Variants in MDGA2 observed in about 807,000 individuals in gnomAD.
MDGA2 encodes MAM domain-containing glycosylphosphatidylinositol anchor protein 2.
MDGA2 carries 40 observed loss-of-function variants against 117.8 expected under a neutral mutation model. That is an observed-to-expected ratio of 0.34 (90% CI 0.26 to 0.44). MDGA2 has a LOEUF of 0.44. MDGA2 is among the 20% of genes least tolerant of loss of function. The probability of loss-of-function intolerance (pLI) is 1.00; values close to 1 mark genes in which losing one functional copy is unlikely to be tolerated. For missense variants in MDGA2, 1,123 were observed against 1,250.6 expected, an observed-to-expected ratio of 0.90 and a Z score of 1.54; for synonymous variants, 452 against 439.0, an observed-to-expected ratio of 1.03 and a Z score of -0.37.
At chr14:46,903,150 T>G (rs769943272) in intron 10 of MDGA2, among the ~76,000 whole-genome samples, 5 of 148,230 alleles carry the variant, frequency 3.4e-5, no homozygotes, top group African/African-American at 8.0e-5. Flanking sequence ...TGTTGTTTTG[T>G]TTTTTTCTTT....
chr14:47,504,876 T>C, intron 1 of MDGA2, among the ~76,000 whole-genome samples: 1 of 152,130 alleles, frequency 6.6e-6, no homozygotes, highest in East Asian at 1.9e-4. Context: ...ATCAACATGC[T>C]GAAGAGATAA....
At chr14:46,871,899 G>A (rs537227592) in intron 14 of MDGA2, 1 of 397,336 alleles carries the variant, frequency 2.5e-6, no homozygotes, top group Non-Finnish European at 5.2e-6. Context: ...TGTAATCCCA[G>A]CATTTTGAGA....
intron 1 of MDGA2, among the ~76,000 whole-genome samples, chr14:47,424,534 T>A (rs1005013912): frequency 6.6e-6 from 1 of 152,172 alleles, no homozygotes; most frequent in South Asian, 2.1e-4. Flanking sequence ...TCCCTTATAC[T>A]CATTTGTATA....
At chr14:47,282,523 AACACACAC>A (rs59651044) in intron 2 of MDGA2, among the ~76,000 whole-genome samples, 1 of 149,384 alleles carries the variant, frequency 6.7e-6, no homozygotes, top group Non-Finnish European at 1.5e-5. Context: ...ATTAAAAATA[AACACACAC>A]ACACACACAC....
At chr14:47,437,912 C>T (rs547447944) in intron 1 of MDGA2, among the ~76,000 whole-genome samples, 1 of 152,256 alleles carries the variant, frequency 6.6e-6, no homozygotes, top group South Asian at 2.1e-4. Context: ...CAACATTTTT[C>T]TGAGCACTAC....
intron 1 of MDGA2, among the ~76,000 whole-genome samples, chr14:47,451,442 C>T (rs1007845139): frequency 6.6e-6 from 1 of 152,020 alleles, no homozygotes; most frequent in Non-Finnish European, 1.5e-5. Context: ...CTAGATTTCC[C>T]TGTCTTTGGA....
chr14:47,615,229 AG>A (rs1896927703), intron 1 of MDGA2, among the ~76,000 whole-genome samples: 2 of 152,216 alleles, frequency 1.3e-5, no homozygotes, highest in East Asian at 1.9e-4. Flanking sequence ...TAATAAAAAA[AG>A]ATTCAGAAAA....
At chr14:46,974,509 G>C (rs1249338566) in intron 8 of MDGA2, among the ~76,000 whole-genome samples, 1 of 152,106 alleles carries the variant, frequency 6.6e-6, no homozygotes, top group East Asian at 1.9e-4. Context: ...AAACAGCGTG[G>C]TACTGGCATA....
chr14:47,306,842 G>GGAGAGAGGGAGAGAGAGA (rs1889463802), intron 1 of MDGA2, among the ~76,000 whole-genome samples: 1 of 146,598 alleles, frequency 6.8e-6, no homozygotes, highest in Non-Finnish European at 1.5e-5. Flanking sequence ...AGAGAAAGAG[G>GGAGAGAGGGAGAGAGAGA]GAGAGAGAGA....
At chr14:47,637,716 T>C (rs775869488) in intron 1 of MDGA2, among the ~76,000 whole-genome samples, 3 of 152,240 alleles carry the variant, frequency 2.0e-5, no homozygotes, top group Non-Finnish European at 2.9e-5. Context: ...TAGAAAATGT[T>C]ATCCAAATTG....
At chr14:47,310,168 C>T (rs973353422) in intron 1 of MDGA2, among the ~76,000 whole-genome samples, 2 of 152,036 alleles carry the variant, frequency 1.3e-5, no homozygotes, top group Non-Finnish European at 1.5e-5. Flanking sequence ...TTTGTTTTCA[C>T]CTAGAAGAGT....
At chr14:46,895,215 G>T (rs974859382) in intron 10 of MDGA2, among the ~76,000 whole-genome samples, 2 of 152,214 alleles carry the variant, frequency 1.3e-5, no homozygotes, top group Non-Finnish European at 1.5e-5. Flanking sequence ...TTGAATCAGG[G>T]GGGCAGTTAC....
intron 1 of MDGA2, among the ~76,000 whole-genome samples, chr14:47,517,628 T>C (rs1406469001): frequency 1.3e-5 from 2 of 152,126 alleles, no homozygotes; most frequent in Admixed American, 1.3e-4. Context: ...TCTTAGATTC[T>C]CCCATGCAAT....
chr14:47,659,253 C>G (rs1332115191), intron 1 of MDGA2, among the ~76,000 whole-genome samples: 1 of 152,206 alleles, frequency 6.6e-6, no homozygotes, highest in East Asian at 1.9e-4. Flanking sequence ...GGTTGAAATT[C>G]TGCTTTACTA....
intron 6 of MDGA2, 27 bp from the exon 7 acceptor site, chr14:47,061,605 T>C: frequency 1.3e-6 from 2 of 1,549,954 alleles, no homozygotes; most frequent in Non-Finnish European, 1.8e-6. Flanking sequence ...CCATAAGGAG[T>C]TAGTGTTACT....
intron 1 of MDGA2, among the ~76,000 whole-genome samples, chr14:47,631,292 T>C (rs1206621228): frequency 2.0e-5 from 3 of 152,226 alleles, no homozygotes; most frequent in Non-Finnish European, 2.9e-5. Context: ...TGCTATGTAA[T>C]GGACACTTTC....
intron 10 of MDGA2, among the ~76,000 whole-genome samples, chr14:46,912,431 A>T (rs1303569826): frequency 6.6e-6 from 1 of 152,114 alleles, no homozygotes; most frequent in Non-Finnish European, 1.5e-5. Flanking sequence ...TGACTTGTAA[A>T]TTAACATATT....
At chr14:47,669,886 G>A (rs556497229) in intron 1 of MDGA2, among the ~76,000 whole-genome samples, 13 of 152,024 alleles carry the variant, frequency 8.6e-5, no homozygotes, top group African/African-American at 2.4e-4. Flanking sequence ...ATATACCTTC[G>A]GATAGCTTTG....
intron 1 of MDGA2, among the ~76,000 whole-genome samples, chr14:47,638,583 G>A (rs950362462): frequency 6.6e-6 from 1 of 151,976 alleles, no homozygotes; most frequent in African/African-American, 2.4e-5. Flanking sequence ...AATAGTTCTG[G>A]TCGCCTCTTT....
Sources: allele counts gnomAD v4.1 joint callset (sites outside exome capture counted in the v4.1 genomes callset), GRCh38; gene constraint gnomAD v4.1.1; transcripts MANE v1.5; gene names NCBI Gene and HGNC (gene_info 2026-07-23, HGNC 2026-07-21).